Variants in THPO observed in about 807,000 individuals in gnomAD.
THPO encodes the protein thrombopoietin, also known as MPL ligand.
A neutral mutation model predicts 17.0 loss-of-function variants in THPO; 12 were observed. The observed-to-expected ratio is 0.71, with a 90% confidence interval of 0.45 to 1.14. The LOEUF (loss-of-function observed/expected upper bound fraction) is 1.14. THPO is among the 50% of genes most tolerant of loss of function. The pLI, the probability that THPO is intolerant of heterozygous loss-of-function variation, is 0.00. For synonymous variants in THPO, 188 were observed against 183.0 expected (o/e 1.03, Z -0.22); for missense variants, 365 against 427.5 (o/e 0.85, Z 1.29).
rs775705342 is a variant in THPO, at chr3:184,375,632, G to T, written c.142-31C>A. 8 of 1,609,440 alleles carry T rather than the reference G, an allele frequency of 5.0e-6. No individual in the cohort carries two copies. The Admixed American group carries it at 1.2e-4, about 23-fold the overall frequency. On this transcript the variant is annotated intron_variant, in intron 3 of 5. Coordinates refer to ENST00000647395, the MANE Select transcript of THPO (RefSeq NM_000460.4). ...GAAAAAGATTGGTGGGGGGAGAAGG[G>T]AGCTGAAATAGAGAGAGCTATGGTA...
In THPO at chr3:184,373,503, C is replaced by A. The variant is rs774061904; in HGVS notation, c.308G>T (p.Gly103Val). Residue 103 changes from glycine (G) to valine (V), a missense_variant, in exon 5 of 6, where the codon GGA (glycine) becomes GTA (valine). Coordinates refer to ENST00000647395, the MANE Select transcript of THPO (RefSeq NM_000460.4). ...CAGGAGGGATGAGAGGCAAGTGGGT[C>A]CCAGTTGTCCCCGTGCTGCCATCAC... The part of the protein sequence containing the change: ...EGVMAARGQL[G>V]PTCLSSLLGQ... The A allele has an allele frequency of 6.2e-6, 10 of 1,614,128 alleles. No individual in the cohort carries two copies. The South Asian group carries it at 1.1e-4, about 18-fold the overall frequency.
chr3:184,376,568 G>A (rs1714417752), intron 1 of THPO, among the ~76,000 whole-genome samples, 164 bp from the exon 2 acceptor site: 1 of 152,134 alleles, frequency 6.6e-6, no homozygotes, highest in African/African-American at 2.4e-5. Flanking sequence ...TGGTGTGCCG[G>A]GTGCAGTGGC....
In THPO at chr3:184,378,143, G is replaced by A; in HGVS notation, c.-214C>T. ...CCTCTGGGGAGCAGATGGGTAGGAA[G>A]ACATGTGGCGGTGGGGCACAGCCCC... On this transcript the variant is annotated 5_prime_UTR_variant, in exon 1 of 6. Transcript: ENST00000647395. 1.4e-5 allele frequency: 14 copies of A among 985,572 alleles called. No homozygotes were observed. The highest frequency in any genetic ancestry group is 1.7e-5 in the Non-Finnish European group (14 of 830,024). The allele number at this position is 985,572 out of a possible 1,614,324, so 61.1% of individuals were successfully genotyped here.
At chr3:184,376,808 G>A (rs59917644) in intron 1 of THPO, among the ~76,000 whole-genome samples, 1,997 of 150,002 alleles carry the variant, frequency 0.013, 42 homozygotes, top group African/African-American at 0.047. Context: ...TCGCACCATT[G>A]CACTCCAGCC....
At chr3:184,375,846 A>C in intron 3 of THPO, 42 bp downstream of exon 3, 1 of 1,611,836 alleles carries the variant, frequency 6.2e-7, no homozygotes, top group Middle Eastern at 2.0e-4. Context: ...TGGGTGTCTT[A>C]CCAGTTACGC....
intron 4 of THPO, among the ~76,000 whole-genome samples, 185 bp downstream of exon 4, chr3:184,375,330 T>C (rs1453418801): frequency 6.6e-6 from 1 of 152,210 alleles, no homozygotes; most frequent in Non-Finnish European, 1.5e-5. Flanking sequence ...TATTCACATA[T>C]TGGACCTGCA....
chr3:184,374,022 G>T (rs1398914690), intron 4 of THPO, among the ~76,000 whole-genome samples: 2 of 152,194 alleles, frequency 1.3e-5, no homozygotes, highest in Non-Finnish European at 2.9e-5. Context: ...GAGGTCAGGA[G>T]TTCAAGATCA....
At chr3:184,373,224 T>G (rs764786903) in intron 5 of THPO, 46 bp from the exon 6 acceptor site, 1 of 1,604,860 alleles carries the variant, frequency 6.2e-7, no homozygotes, top group Non-Finnish European at 8.5e-7. Flanking sequence ...GGGCCAGATC[T>G]CAGGCCTCCC....
intron 4 of THPO, 41 bp from the exon 5 acceptor site, chr3:184,373,623 G>C (rs745314605): frequency 3.1e-6 from 5 of 1,610,112 alleles, no homozygotes; most frequent in African/African-American, 2.7e-5. Context: ...TGCCTCAAAG[G>C]GCACACTAAA....
rs780353818 is a variant in THPO at position 184,374,516 on chromosome 3, C to T, written c.229-934G>A. On this transcript the variant is annotated intron_variant, in intron 4 of 5. Coordinates refer to ENST00000647395, the MANE Select transcript of THPO (RefSeq NM_000460.4). ...TAGCATATGTCTTCAGGGGGATGTCCGGTGTTCAGGCCAGTATATTTAAGT... is the reference window on the plus strand; with the variant it reads ...TAGCATATGTCTTCAGGGGGATGTCTGGTGTTCAGGCCAGTATATTTAAGT... Among the ~76,000 whole-genome samples, 7 of 152,224 alleles carry T rather than the reference C, an allele frequency of 4.6e-5. No individual in the cohort carries two copies. The South Asian group carries it at 6.2e-4, about 14-fold the overall frequency.
At chr3:184,376,121 C>G (rs1714376614) in intron 2 of THPO, 106 bp from the exon 3 acceptor site, 1 of 1,611,316 alleles carries the variant, frequency 6.2e-7, no homozygotes, top group Admixed American at 1.7e-5. Flanking sequence ...GGGAATCCAC[C>G]CCTCAGACCC....
At chr3:184,379,671 G>C (rs1196510696), upstream of THPO, among the ~76,000 whole-genome samples, 2 of 152,136 alleles carry the variant, frequency 1.3e-5, no homozygotes, top group African/African-American at 4.8e-5. Flanking sequence ...AGCGGTCCAG[G>C]CCTCAGGCCT....
chr3:184,372,354 G>A lies in THPO; in HGVS notation c.*159C>T. ...AGCTTCTGAAGGTTTATAATGTACA[G>A]TGAAAAATGATTCCCTTTTCAGTCC... On this transcript the variant is annotated 3_prime_UTR_variant, in exon 6 of 6. Coordinates refer to ENST00000647395, the MANE Select transcript of THPO (RefSeq NM_000460.4). 1 of 854,730 alleles carries A rather than the reference G, an allele frequency of 1.2e-6. No homozygotes were observed. The highest frequency in any genetic ancestry group is 1.5e-5 in the South Asian group (1 of 66,526). The allele number at this position is 854,730 out of a possible 1,614,324, so 52.9% of individuals were successfully genotyped here. A position where few individuals can be genotyped will look rare whatever the true frequency, so the allele number is the denominator to read the frequency against.
In THPO at chr3:184,373,057, A is replaced by G. The variant is rs768776540; in HGVS notation, c.518T>C (p.Val173Ala). The change falls in exon 6 of 6, where the codon GTC becomes GCC. Residue 173 changes from valine to alanine, a missense_variant. Coordinates refer to ENST00000647395, the MANE Select transcript of THPO (RefSeq NM_000460.4). ...AGCTGTGGTGGGTGGGGCCCGCCTGACGCAGAGGGTGGACCCTCCTACAAG... is the reference window on the plus strand; with the variant it reads ...AGCTGTGGTGGGTGGGGCCCGCCTGGCGCAGAGGGTGGACCCTCCTACAAG... ...LMLVGGSTLC[V>A]RRAPPTTAVP... The G allele has an allele frequency of 9.3e-6, 15 of 1,613,952 alleles. No homozygotes were observed. The Middle Eastern group carries it at 4.9e-4, about 53-fold the overall frequency.
rs1300672570 is a variant in THPO at position 184,376,423 on chromosome 3, G to A, written c.-145-19C>T. The A allele has an allele frequency of 6.5e-6, 10 of 1,546,628 alleles. No individual in the cohort carries two copies. The highest frequency in any genetic ancestry group is 8.7e-6 in the Non-Finnish European group (10 of 1,151,748). Reference sequence around the variant, plus strand: ...ATCTATCCTGAAAGTAGCAAGAAGAGTGAACATTTAACCAAGTTTCTAGGA... The same window carrying A: ...ATCTATCCTGAAAGTAGCAAGAAGAATGAACATTTAACCAAGTTTCTAGGA... On this transcript the variant is annotated intron_variant, in intron 1 of 5. Transcript: ENST00000647395.
At chr3:184,374,136 G>A (rs916078906) in intron 4 of THPO, among the ~76,000 whole-genome samples, 1 of 152,184 alleles carries the variant, frequency 6.6e-6, no homozygotes, top group South Asian at 2.1e-4. Context: ...ACTGAGGCAG[G>A]AGAATCGCTT....
At chr3:184,378,037 C>A (rs1050256011) in intron 1 of THPO, 38 bp downstream of exon 1, 3 of 985,454 alleles carry the variant, frequency 3.0e-6, no homozygotes, top group South Asian at 9.4e-5. Flanking sequence ...GCTGTCCTTT[C>A]TACCCTCACA....
In THPO at chr3:184,372,203, G is replaced by C; in HGVS notation, c.*310C>G. On this transcript the variant is annotated 3_prime_UTR_variant, in exon 6 of 6. Transcript: ENST00000647395. Reference sequence around the variant, plus strand: ...CTCCCTCTGTTCAACTGCCAGGCCAGCCCAGGCCTTTGCAGAGTTATCACA... The same window carrying C: ...CTCCCTCTGTTCAACTGCCAGGCCACCCCAGGCCTTTGCAGAGTTATCACA... 2.8e-6 allele frequency: 1 copy of C among 360,332 alleles called. No homozygotes were observed. Among genetic ancestry groups the C allele is most frequent in the Non-Finnish European group, 5.3e-6 (1 of 190,066 alleles). 22.3% of individuals were successfully genotyped at this position (360,332 alleles called of 1,614,324 possible). A position where few individuals can be genotyped will look rare whatever the true frequency, so the allele number is the denominator to read the frequency against.
In THPO at chr3:184,376,315, C is replaced by T. The variant is rs187556243; in HGVS notation, c.-56G>A. The T allele has an allele frequency of 4.9e-4, 792 of 1,614,198 alleles. No individual in the cohort carries two copies. Among genetic ancestry groups the T allele is most frequent in the Non-Finnish European group, 2.6e-4 (312 of 1,180,014 alleles). On this transcript the variant is annotated 5_prime_UTR_variant, in exon 2 of 6. Coordinates refer to ENST00000647395, the MANE Select transcript of THPO (RefSeq NM_000460.4). ...CCTGTTTGGGGCCTCTCCCCTGAAT[C>T]CTTCCTGGGGCCATGGAGGCGGCTT...
Sources: allele counts gnomAD v4.1 joint callset (sites outside exome capture counted in the v4.1 genomes callset), GRCh38; gene constraint gnomAD v4.1.1; transcripts MANE v1.5; gene names NCBI Gene and HGNC (gene_info 2026-07-23, HGNC 2026-07-21).